Variants in BEND5 observed in about 807,000 individuals in gnomAD.
The protein encoded by BEND5 is BEN domain-containing protein 5.
In BEND5, 22 loss-of-function variants were observed where a neutral mutation model predicts 43.9. The observed-to-expected ratio is 0.50, with a 90% CI of 0.36 to 0.72. The LOEUF (loss-of-function observed/expected upper bound fraction) is 0.72. BEND5 is among the 30% of genes least tolerant of loss of function. The probability of loss-of-function intolerance (pLI) is 0.00; values close to 1 mark genes in which losing one functional copy is unlikely to be tolerated. For missense variants in BEND5, 428 were observed against 550.6 expected, an observed-to-expected ratio of 0.78 and a Z score of 2.23; for synonymous variants, 228 against 225.9, an observed-to-expected ratio of 1.01 and a Z score of -0.08.
chr1:48,769,550 C>CACACAT (rs1644703770), intron 1 of BEND5, among the ~76,000 whole-genome samples: 1 of 146,962 alleles, frequency 6.8e-6, no homozygotes, highest in Non-Finnish European at 1.5e-5. Flanking sequence ...CACACACACA[C>CACACAT]ACACACACAC....
chr1:48,763,916 A>C (rs1204457205), intron 1 of BEND5, among the ~76,000 whole-genome samples: 1 of 152,206 alleles, frequency 6.6e-6, no homozygotes, highest in East Asian at 1.9e-4. Flanking sequence ...CTGTTGTGCA[A>C]GGTCACAGAA....
intron 1 of BEND5, among the ~76,000 whole-genome samples, chr1:48,771,673 T>G (rs993541858): frequency 2.0e-5 from 3 of 152,322 alleles, no homozygotes; most frequent in Admixed American, 6.5e-5. Context: ...GTTGGCAGTT[T>G]CCCACTGATG....
In BEND5 at chr1:48,736,150, A is replaced by G; in HGVS notation, c.1108+89T>C. ...GGGTCTGGCATGCAGAAGCTTCATA[A>G]GTAATCGTTGAATTGAATTGTGCCT... On this transcript the variant is annotated intron_variant, in intron 5 of 5. Coordinates refer to ENST00000371833, the MANE Select transcript of BEND5 (RefSeq NM_024603.4). The surrounding 1 kb of genome is among the most constrained non-coding windows in gnomAD (Gnocchi z 4.0). 1 of 1,433,234 alleles carries G rather than the reference A, an allele frequency of 7.0e-7. No homozygotes were observed. Among genetic ancestry groups the G allele is most frequent in the Non-Finnish European group, 9.8e-7 (1 of 1,023,164 alleles). 88.8% of individuals were successfully genotyped at this position (1,433,234 alleles called of 1,614,324 possible). A position where few individuals can be genotyped will look rare whatever the true frequency, so the allele number is the denominator to read the frequency against.
chr1:48,752,089 C>T (rs1475484711), intron 3 of BEND5, among the ~76,000 whole-genome samples: 1 of 152,172 alleles, frequency 6.6e-6, no homozygotes, highest in Non-Finnish European at 1.5e-5. Flanking sequence ...CCACCACTAA[C>T]TCTAAACCGG....
chr1:48,763,591 GT>G (rs1319754560), intron 1 of BEND5, among the ~76,000 whole-genome samples: 2 of 152,122 alleles, frequency 1.3e-5, no homozygotes, highest in Non-Finnish European at 2.9e-5. Flanking sequence ...CTAGTCTTCA[GT>G]TTGACAAGTT....
chr1:48,729,377 G>T (rs535355937), intron 5 of BEND5, among the ~76,000 whole-genome samples: 1 of 152,286 alleles, frequency 6.6e-6, no homozygotes, highest in African/African-American at 2.4e-5. Flanking sequence ...TGTACCACGG[G>T]AATGTGTAAT....
In BEND5 at chr1:48,736,969, G is replaced by T. The variant is rs1028272559; in HGVS notation, c.895-517C>A. ...TTCTCAACCTTGGCTGCACACAGGG[G>T]TCACCTAGGGAGCTGTAAAAATCAC... On this transcript the variant is annotated intron_variant, in intron 4 of 5. Transcript: ENST00000371833. The surrounding 1 kb of genome is among the most constrained non-coding windows in gnomAD (Gnocchi z 4.0). 2.6e-5 allele frequency among the ~76,000 whole-genome samples: 4 copies of T among 152,096 alleles called. No homozygotes were observed. Among genetic ancestry groups the T allele is most frequent in the African/African-American group, 9.7e-5 (4 of 41,408 alleles).
At chr1:48,747,325 T>G (rs945033198) in intron 3 of BEND5, among the ~76,000 whole-genome samples, 1 of 152,194 alleles carries the variant, frequency 6.6e-6, no homozygotes, top group Admixed American at 6.5e-5. Context: ...AAATATACCT[T>G]CCATGGAAAG....
At chr1:48,765,853 A>T (rs930564710) in intron 1 of BEND5, among the ~76,000 whole-genome samples, 1 of 152,238 alleles carries the variant, frequency 6.6e-6, no homozygotes, top group Non-Finnish European at 1.5e-5. Context: ...TGAAATGTTC[A>T]GAATGGGTAA....
chr1:48,755,139 C>G (rs1652348283), intron 3 of BEND5, among the ~76,000 whole-genome samples: 2 of 152,204 alleles, frequency 1.3e-5, no homozygotes, highest in Admixed American at 6.5e-5. Context: ...TGCTATCCCC[C>G]ACCCTTGGGT....
chr1:48,742,917 G>A (rs1208118475), intron 3 of BEND5, 146 bp from the exon 4 acceptor site: 8 of 703,738 alleles, frequency 1.1e-5, no homozygotes, highest in South Asian at 3.2e-5. Context: ...ACCCAGACTC[G>A]AAAATAATGT....
At chr1:48,737,323 C>T (rs1047828302) in intron 4 of BEND5, among the ~76,000 whole-genome samples, 3 of 152,070 alleles carry the variant, frequency 2.0e-5, no homozygotes, top group Non-Finnish European at 2.9e-5. Context: ...AAAAAATCAT[C>T]AGTTCGTGGG....
At position 48,737,707 on chromosome 1, in the gene BEND5, C is replaced by T. The variant is rs559676401; in HGVS notation, c.895-1255G>A. ...AGCTATAAGATTTTAATTTGTTCTC[C>T]TTTCTGCATCTTTAGTAAATCTAAA... On this transcript the variant is annotated intron_variant, in intron 4 of 5. Transcript: ENST00000371833. 2.6e-5 allele frequency among the ~76,000 whole-genome samples: 4 copies of T among 152,216 alleles called. No homozygotes were observed. The South Asian group carries it at 8.3e-4, about 32-fold the overall frequency.
At chr1:48,757,923 T>C in intron 3 of BEND5, among the ~76,000 whole-genome samples, 1 of 152,200 alleles carries the variant, frequency 6.6e-6, no homozygotes, top group African/African-American at 2.4e-5. Flanking sequence ...GTTATACCGA[T>C]TTCCTCAATA....
intron 5 of BEND5, among the ~76,000 whole-genome samples, chr1:48,733,028 A>G (rs1648404184): frequency 6.6e-6 from 1 of 152,146 alleles, no homozygotes; most frequent in African/African-American, 2.4e-5. Flanking sequence ...GACCTTGGTG[A>G]AAACACATTA....
At position 48,733,826 on chromosome 1, in the gene BEND5, A is replaced by G. The variant is rs138664141; in HGVS notation, c.1108+2413T>C. Among the ~76,000 whole-genome samples, 256 of 152,272 alleles carry G rather than the reference A, an allele frequency of 1.7e-3. 1 individual carries two copies. The highest frequency in any genetic ancestry group is 5.9e-3 in the African/African-American group (245 of 41,562). On this transcript the variant is annotated intron_variant, in intron 5 of 5. Coordinates refer to ENST00000371833, the MANE Select transcript of BEND5 (RefSeq NM_024603.4). ...TGGGTCTCTGTGTTTCTTCTGTTCA[A>G]CCTTCGTTTACTGAGTGCCTACTAT... is the stretch of plus-strand genomic sequence containing the variant.
At chr1:48,776,273 A>G (rs889902361) in intron 1 of BEND5, among the ~76,000 whole-genome samples, 4 of 152,244 alleles carry the variant, frequency 2.6e-5, no homozygotes, top group African/African-American at 9.6e-5. Flanking sequence ...ATGACGGTAC[A>G]AACAGGTAGG....
At chr1:48,762,033 T>C (rs1446158547) in intron 1 of BEND5, among the ~76,000 whole-genome samples, 3 of 152,178 alleles carry the variant, frequency 2.0e-5, no homozygotes, top group African/African-American at 7.2e-5. Flanking sequence ...ATCCCCTTTT[T>C]ACTGGTATCA....
At chr1:48,754,490 A>G (rs1557949541) in intron 3 of BEND5, among the ~76,000 whole-genome samples, 1 of 152,210 alleles carries the variant, frequency 6.6e-6, no homozygotes, top group Non-Finnish European at 1.5e-5. Context: ...ATACATAGAA[A>G]AACATCTGTA....
Sources: gnomAD v4.1 joint callset for allele counts (sites outside exome capture counted in the v4.1 genomes callset) on GRCh38, gnomAD v4.1.1 for gene constraint, Gnocchi (gnomAD v3.1) non-coding constraint, MANE v1.5 for transcripts, NCBI Gene and HGNC (gene_info 2026-07-23, HGNC 2026-07-21) for gene names.